The following GRIP1 variants were observed in gnomAD, a reference collection of about 807,000 sequenced individuals.
The protein encoded by GRIP1 is glutamate receptor interacting protein 1.
In GRIP1, 45 loss-of-function variants were observed where a neutral mutation model predicts 129.9. The observed-to-expected ratio is 0.35, with a 90% confidence interval of 0.27 to 0.44. The LOEUF (loss-of-function observed/expected upper bound fraction) is 0.44. GRIP1 is among the 20% of genes least tolerant of loss of function. The pLI, the probability that GRIP1 is intolerant of heterozygous loss-of-function variation, is 1.00. For synonymous variants in GRIP1, 530 were observed against 520.8 expected, an observed-to-expected ratio of 1.02 and a Z score of -0.24; for missense variants, 1,196 against 1,396.8, an observed-to-expected ratio of 0.86 and a Z score of 2.29.
intron 2 of GRIP1, among the ~76,000 whole-genome samples, chr12:66,555,425 C>A (rs2062293819): frequency 6.6e-6 from 1 of 152,168 alleles, no homozygotes; most frequent in Non-Finnish European, 1.5e-5. Context: ...CAAATACCTG[C>A]AGAGCTCTCC....
intron 1 of GRIP1, among the ~76,000 whole-genome samples, chr12:67,035,217 C>A (rs953541437): frequency 2.0e-5 from 3 of 151,984 alleles, no homozygotes; most frequent in African/African-American, 7.3e-5. Flanking sequence ...GAAAAAAAAA[C>A]GTGTTTCCTC....
intron 1 of GRIP1, among the ~76,000 whole-genome samples, chr12:66,668,858 G>A (rs963051099): frequency 5.0e-4 from 76 of 152,212 alleles, no homozygotes; most frequent in African/African-American, 1.8e-3. Flanking sequence ...GCCGAGACAG[G>A]AGGATTGCTC....
chr12:66,943,524 G>A (rs1478391496), intron 1 of GRIP1, among the ~76,000 whole-genome samples: 1 of 152,178 alleles, frequency 6.6e-6, no homozygotes, highest in East Asian at 1.9e-4. Flanking sequence ...ACAGTTTCAT[G>A]TTTCTCTTTT....
intron 1 of GRIP1, among the ~76,000 whole-genome samples, chr12:66,713,654 T>C (rs2035781073): frequency 6.6e-6 from 1 of 152,068 alleles, no homozygotes; most frequent in African/African-American, 2.4e-5. Context: ...ACTCCAGTGC[T>C]ACCTCTTCAA....
At position 66,448,380 on chromosome 12, in the gene GRIP1, C is replaced by T. The variant is rs2058689413; in HGVS notation, c.1355-2872G>A. ...TAGTGAAATATATCTTACAAAAATC[C>T]TCTTTTCCCTTATTAATTTCAGTAC... On this transcript the variant is annotated intron_variant, in intron 11 of 24. Transcript: ENST00000359742. Among the ~76,000 whole-genome samples the T allele has an allele frequency of 2.0e-5, 3 of 152,182 alleles. No individual in the cohort carries two copies. In the South Asian group the frequency reaches 6.2e-4, roughly 32 times the overall value.
At chr12:66,616,478 G>A (rs1360311227) in intron 1 of GRIP1, among the ~76,000 whole-genome samples, 1 of 152,124 alleles carries the variant, frequency 6.6e-6, no homozygotes, top group African/African-American at 2.4e-5. Context: ...TCTGTGACAT[G>A]TGCATGCAAA....
chr12:66,961,734 T>G (rs1052052051), intron 1 of GRIP1, among the ~76,000 whole-genome samples: 3 of 152,206 alleles, frequency 2.0e-5, no homozygotes, highest in African/African-American at 7.2e-5. Flanking sequence ...TTAGTGTCTG[T>G]GTCCCCACTA....
At chr12:66,490,828 ACATT>A (rs1255330737) in intron 7 of GRIP1, among the ~76,000 whole-genome samples, 1 of 152,194 alleles carries the variant, frequency 6.6e-6, no homozygotes, top group African/African-American at 2.4e-5. Flanking sequence ...CTAAAAGAAG[ACATT>A]CATGCACACA....
intron 23 of GRIP1, among the ~76,000 whole-genome samples, chr12:66,369,954 A>T (rs1316484183): frequency 6.6e-6 from 1 of 152,180 alleles, no homozygotes. Flanking sequence ...CTGGGTCATC[A>T]TCCTAACATG....
At chr12:66,960,136 C>G (rs2041902361) in intron 1 of GRIP1, among the ~76,000 whole-genome samples, 1 of 152,098 alleles carries the variant, frequency 6.6e-6, no homozygotes. Flanking sequence ...AACCTGAAAA[C>G]AGATGGAAGC....
At chr12:66,662,226 T>C (rs1257618614) in intron 1 of GRIP1, among the ~76,000 whole-genome samples, 2 of 152,114 alleles carry the variant, frequency 1.3e-5, no homozygotes, top group Non-Finnish European at 2.9e-5. Flanking sequence ...GTGGCTAATA[T>C]CTATTAATCC....
chr12:67,016,714 A>G (rs1434747025), intron 1 of GRIP1, among the ~76,000 whole-genome samples: 1 of 152,232 alleles, frequency 6.6e-6, no homozygotes, highest in Non-Finnish European at 1.5e-5. Flanking sequence ...AGCCGTTTTT[A>G]GAAACAAATA....
chr12:66,581,303 G>A (rs1486970970), intron 2 of GRIP1, among the ~76,000 whole-genome samples: 1 of 151,446 alleles, frequency 6.6e-6, no homozygotes, highest in Non-Finnish European at 1.5e-5. Flanking sequence ...GAGAAAGCAG[G>A]AAAGATCCAA....
At chr12:66,714,028 T>C (rs182240436) in intron 1 of GRIP1, among the ~76,000 whole-genome samples, 1 of 152,210 alleles carries the variant, frequency 6.6e-6, no homozygotes, top group Non-Finnish European at 1.5e-5. Context: ...TTCCCCACAC[T>C]GAAGGATTGT....
At chr12:66,637,229 T>A (rs10784566) in intron 1 of GRIP1, among the ~76,000 whole-genome samples, 30,333 of 151,702 alleles carry the variant, frequency 0.2, 3,132 homozygotes, top group Non-Finnish European at 0.23. Context: ...AATAAATAAA[T>A]AATAAAAAAA....
At chr12:66,549,708 G>A (rs1565851738) in intron 2 of GRIP1, among the ~76,000 whole-genome samples, 1 of 151,972 alleles carries the variant, frequency 6.6e-6, no homozygotes. Context: ...GTGACATGAG[G>A]GATATACTAG....
chr12:67,019,390 C>G (rs2042833285), intron 1 of GRIP1, among the ~76,000 whole-genome samples: 1 of 152,162 alleles, frequency 6.6e-6, no homozygotes, highest in Non-Finnish European at 1.5e-5. Context: ...AGAGGCTCAG[C>G]CCCACGGCTG....
At chr12:66,803,200 T>C (rs1334406049) in intron 1 of GRIP1, among the ~76,000 whole-genome samples, 1 of 152,232 alleles carries the variant, frequency 6.6e-6, no homozygotes, top group Non-Finnish European at 1.5e-5. Flanking sequence ...TATAAGTTTA[T>C]AAAGATCCTT....
At chr12:66,473,705 A>T (rs908083020) in intron 7 of GRIP1, among the ~76,000 whole-genome samples, 1 of 152,226 alleles carries the variant, frequency 6.6e-6, no homozygotes, top group Non-Finnish European at 1.5e-5. Flanking sequence ...TGCAGTGGAC[A>T]TCCAGCAAAC....
Sources: gnomAD v4.1 joint callset for allele counts (sites outside exome capture counted in the v4.1 genomes callset) on GRCh38, gnomAD v4.1.1 for gene constraint, MANE v1.5 for transcripts, NCBI Gene and HGNC (gene_info 2026-07-23, HGNC 2026-07-21) for gene names.